SLC29A3: variants seen among roughly 807,000 people sequenced by gnomAD.
The protein encoded by SLC29A3 is equilibrative nucleoside transporter 3.
A neutral mutation model predicts 25.4 loss-of-function variants in SLC29A3; 18 were observed. The observed-to-expected ratio is 0.71, with a 90% CI of 0.49 to 1.05. The LOEUF is 1.05. SLC29A3 is among the 50% of genes least tolerant of loss of function. The pLI, the probability that SLC29A3 is intolerant of heterozygous loss-of-function variation, is 0.00. For synonymous variants in SLC29A3, 258 were observed against 267.1 expected, an observed-to-expected ratio of 0.97 and a Z score of 0.33; for missense variants, 586 against 609.0, an observed-to-expected ratio of 0.96 and a Z score of 0.40.
chr10:71,367,826 C>G (rs1182212586), downstream of SLC29A3, among the ~76,000 whole-genome samples: 1 of 152,214 alleles, frequency 6.6e-6, no homozygotes, highest in African/African-American at 2.4e-5. Context: ...AAGGAATTAA[C>G]AGTCACAGGA....
At chr10:71,321,127 A>G (rs1169707128) in intron 1 of SLC29A3, among the ~76,000 whole-genome samples, 1 of 152,192 alleles carries the variant, frequency 6.6e-6, no homozygotes, top group Admixed American at 6.5e-5. Flanking sequence ...ATTTGTGATC[A>G]CTGGACTTAA....
chr10:71,344,721 G>A (rs1846518389), intron 3 of SLC29A3, among the ~76,000 whole-genome samples: 1 of 152,192 alleles, frequency 6.6e-6, no homozygotes, highest in Non-Finnish European at 1.5e-5. Flanking sequence ...TAATGGTAAG[G>A]GCCACGAGAG....
intron 2 of SLC29A3, among the ~76,000 whole-genome samples, chr10:71,340,934 G>A (rs1430547969): frequency 6.6e-6 from 1 of 152,194 alleles, no homozygotes; most frequent in East Asian, 1.9e-4. Flanking sequence ...GGGACACAGA[G>A]AGCAAACACA....
chr10:71,365,119 T>C (rs1847158981), downstream of SLC29A3: 5 of 152,172 alleles, frequency 3.3e-5, no homozygotes, highest in Admixed American at 3.3e-4. Flanking sequence ...TAATCCCAGC[T>C]ACTCGGGAGG....
chr10:71,347,729 G>GGGGGACAGAGGA (rs1434834749), intron 3 of SLC29A3, among the ~76,000 whole-genome samples: 1 of 152,190 alleles, frequency 6.6e-6, no homozygotes, highest in Non-Finnish European at 1.5e-5. Context: ...GGGCCATGTA[G>GGGGGACAGAGGA]GGGGACAGAG....
At position 71,363,209 on chromosome 10, in the gene SLC29A3, C is replaced by A. The variant is rs1473105460; in HGVS notation, c.*601C>A. On this transcript the variant is annotated 3_prime_UTR_variant, in exon 6 of 6. Transcript: ENST00000373189. ...CCATGAATGCTTCATTCCAGAGGGA[C>A]CAGAGGGCCTCCCTGTGCAAGGGAT... is the stretch of plus-strand genomic sequence containing the variant. 1 of 453,420 alleles carries A rather than the reference C, an allele frequency of 2.2e-6. No individual in the cohort carries two copies. The highest frequency in any genetic ancestry group is 2.4e-5 in the Admixed American group (1 of 42,452). The allele number at this position is 453,420 out of a possible 1,614,324, so 28.1% of individuals were successfully genotyped here. A position where few individuals can be genotyped will look rare whatever the true frequency, so the allele number is the denominator to read the frequency against.
intron 2 of SLC29A3, among the ~76,000 whole-genome samples, chr10:71,343,465 T>C (rs1250623576): frequency 6.6e-6 from 1 of 152,222 alleles, no homozygotes; most frequent in Non-Finnish European, 1.5e-5. Flanking sequence ...CCTGAGCTGC[T>C]GCCAGAAAAT....
intron 2 of SLC29A3, among the ~76,000 whole-genome samples, chr10:71,333,973 G>A (rs554187415): frequency 4.7e-4 from 72 of 152,312 alleles, no homozygotes; most frequent in African/African-American, 1.7e-3. Flanking sequence ...CCCTTGCTAG[G>A]GGACCTTGCG....
rs1227744252 is a variant in SLC29A3, at chr10:71,351,606, T to C, written c.428T>C (p.Leu143Pro). 3 of 1,614,150 alleles carry C rather than the reference T, an allele frequency of 1.9e-6. No homozygotes were observed. The highest frequency in any genetic ancestry group is 2.5e-6 in the Non-Finnish European group (3 of 1,180,060). ...GTCCTGGCCTCACTGACGGTCATCC[T>C]GGCCATCTTCATGGTGATAACTGCA... The part of the protein sequence containing the change: ...IRVLASLTVI[L>P]AIFMVITALV... Residue 143 changes from leucine to proline, a missense_variant, in exon 4 of 6, where the codon CTG (leucine) becomes CCG (proline). Physicochemically the swap from Leu to Pro is moderately conservative, Grantham distance 98 (BLOSUM62 -3). Coordinates refer to ENST00000373189, the MANE Select transcript of SLC29A3 (RefSeq NM_018344.6).
chr10:71,377,316 G>A lies in SLC29A3; in HGVS notation c.*211+1505G>A, dbSNP rs151081490. On this transcript the variant is annotated intron_variant and NMD_transcript_variant, in intron 4 of 4. Transcript: ENST00000642772. ...CCACGGCAGTGACACACCAAGCGGG[G>A]TATGGCGAATCGTCAGGTCCGCAAA... Among the ~76,000 whole-genome samples, 727 of 152,326 alleles carry A rather than the reference G, an allele frequency of 4.8e-3. 5 individuals carry two copies. Among genetic ancestry groups the A allele is most frequent in the African/African-American group, 0.017 (693 of 41,578 alleles).
intron 2 of SLC29A3, among the ~76,000 whole-genome samples, chr10:71,342,340 C>G (rs1269430307): frequency 6.6e-6 from 1 of 152,188 alleles, no homozygotes; most frequent in Non-Finnish European, 1.5e-5. Flanking sequence ...GATGGCCTGG[C>G]CTCAAGTCTG....
chr10:71,349,460 T>G (rs1436641684), intron 3 of SLC29A3, among the ~76,000 whole-genome samples: 1 of 152,086 alleles, frequency 6.6e-6, no homozygotes, highest in Non-Finnish European at 1.5e-5. Context: ...CAGGGAAGAC[T>G]TAAAGATCCT....
intron 1 of SLC29A3, among the ~76,000 whole-genome samples, chr10:71,320,795 C>T (rs938836961): frequency 6.6e-6 from 1 of 152,190 alleles, no homozygotes; most frequent in Non-Finnish European, 1.5e-5. Flanking sequence ...CAAACATTGA[C>T]AAGGGTGCCT....
In SLC29A3 at chr10:71,323,005, A is replaced by G; in HGVS notation, c.251A>G (p.Asn84Ser). 1 of 1,613,638 alleles carries G rather than the reference A, an allele frequency of 6.2e-7. No individual in the cohort carries two copies. Among genetic ancestry groups the G allele is most frequent in the South Asian group, 1.1e-5 (1 of 91,048 alleles). ...GAGTACTGGATGTTCAAACTCCGCA[A>G]CTCCTCCAGCCCAGCCACCGGGGAG... Reference protein sequence around the residue: ...AKEYWMFKLRNSSSPATGEDP... With the variant: ...AKEYWMFKLRSSSSPATGEDP... The change falls in exon 2 of 6, where the codon AAC becomes AGC. Residue 84 changes from asparagine (N) to serine (S), a missense_variant. Physicochemically the swap from Asn to Ser is conservative, Grantham distance 46 (BLOSUM62 1). Coordinates refer to ENST00000373189, the MANE Select transcript of SLC29A3 (RefSeq NM_018344.6).
At chr10:71,361,089 G>C (rs1367090748) in intron 5 of SLC29A3, among the ~76,000 whole-genome samples, 2 of 152,190 alleles carry the variant, frequency 1.3e-5, no homozygotes, top group African/African-American at 2.4e-5. Flanking sequence ...TGTGAGTGTT[G>C]TTTGTGTGTG....
At chr10:71,343,719 G>A (rs773153955) in intron 2 of SLC29A3, among the ~76,000 whole-genome samples, 6 of 152,212 alleles carry the variant, frequency 3.9e-5, no homozygotes, top group African/African-American at 7.2e-5. Flanking sequence ...GGGCCAAGGC[G>A]AGAGGATCAC....
chr10:71,347,489 C>T (rs767360755), intron 3 of SLC29A3, among the ~76,000 whole-genome samples: 5 of 152,112 alleles, frequency 3.3e-5, no homozygotes, highest in Non-Finnish European at 5.9e-5. Flanking sequence ...TTTCCTAAGA[C>T]CCTAAGAGCA....
chr10:71,350,102 C>T (rs1286982828), intron 3 of SLC29A3, among the ~76,000 whole-genome samples: 1 of 152,170 alleles, frequency 6.6e-6, no homozygotes, highest in Admixed American at 6.5e-5. Flanking sequence ...GCTCAGCACA[C>T]CTGGGTTCTC....
intron 3 of SLC29A3, among the ~76,000 whole-genome samples, chr10:71,350,753 A>G (rs1210014084): frequency 6.6e-6 from 1 of 152,110 alleles, no homozygotes; most frequent in Non-Finnish European, 1.5e-5. Flanking sequence ...TGTGCCATCC[A>G]TATTTCCTCA....
Sources: allele counts gnomAD v4.1 joint callset (sites outside exome capture counted in the v4.1 genomes callset), GRCh38; gene constraint gnomAD v4.1.1; transcripts MANE v1.5; gene names NCBI Gene and HGNC (gene_info 2026-07-23, HGNC 2026-07-21).